The following UIMC1 variants were observed in gnomAD, a reference collection of about 807,000 sequenced individuals.
The protein encoded by UIMC1 is BRCA1-A complex subunit RAP80.
Under a neutral mutation model 84.9 loss-of-function variants are expected in UIMC1, and 42 were observed. The ratio of observed to expected loss-of-function variants is 0.49; its 90% CI spans 0.39 to 0.64. The LOEUF is 0.64. Ranked by LOEUF, UIMC1 falls within the 30% of genes least tolerant of loss-of-function variation. The probability of loss-of-function intolerance (pLI) is 0.00; values close to 1 mark genes in which losing one functional copy is unlikely to be tolerated. For missense variants in UIMC1, 825 were observed against 847.6 expected, an observed-to-expected ratio of 0.97 and a Z score of 0.33; for synonymous variants, 281 against 293.0, an observed-to-expected ratio of 0.96 and a Z score of 0.42.
intron 10 of UIMC1, among the ~76,000 whole-genome samples, chr5:176,922,838 A>C (rs1761870369): frequency 6.6e-6 from 1 of 152,272 alleles, no homozygotes; most frequent in Non-Finnish European, 1.5e-5. Flanking sequence ...ATAGACAAGT[A>C]CTAGTAAGGA....
chr5:177,013,361 AACACACACACAC>A (rs6149367), intron 1 of UIMC1, among the ~76,000 whole-genome samples: 8,347 of 137,790 alleles, frequency 0.061, 441 homozygotes, highest in East Asian at 0.27. Flanking sequence ...ACTGCATCCA[AACACACACACAC>A]ACACACACAC....
At chr5:176,908,813 A>G (rs1326966948) in intron 11 of UIMC1, 119 bp from the exon 12 acceptor site, 2 of 1,007,430 alleles carry the variant, frequency 2.0e-6, no homozygotes, top group African/African-American at 3.3e-5. Flanking sequence ...GAGGAGACAT[A>G]TCAACCAATG....
upstream of UIMC1, among the ~76,000 whole-genome samples, chr5:177,007,232 C>T (rs1775384369): frequency 6.7e-6 from 1 of 149,748 alleles, no homozygotes. Flanking sequence ...AACAGCTACT[C>T]AGGAGCCTGA....
intron 1 of UIMC1, among the ~76,000 whole-genome samples, chr5:176,992,096 C>G (rs117887032): frequency 2.0e-5 from 3 of 149,938 alleles, no homozygotes; most frequent in African/African-American, 7.3e-5. Context: ...GCACTCTAGC[C>G]TGGGCAACAG....
chr5:176,990,981 GTTTTATTTTTTA>G (rs943346846), intron 1 of UIMC1, among the ~76,000 whole-genome samples: 15 of 151,748 alleles, frequency 9.9e-5, no homozygotes, highest in Admixed American at 1.3e-4. Flanking sequence ...CAAGTCCTCA[GTTTTATTTTTTA>G]TTTTATTTTT....
At chr5:176,984,680 G>A (rs1041209204) in intron 1 of UIMC1, among the ~76,000 whole-genome samples, 1 of 149,770 alleles carries the variant, frequency 6.7e-6, no homozygotes, top group Non-Finnish European at 1.5e-5. Flanking sequence ...AAGAAAGAGA[G>A]ATCAGGTTGT....
intron 1 of UIMC1, among the ~76,000 whole-genome samples, chr5:177,019,565 G>A (rs1775743104): frequency 6.6e-6 from 1 of 150,896 alleles, no homozygotes. Context: ...TCACTTGAGT[G>A]TGGGAGTTCA....
intron 9 of UIMC1, among the ~76,000 whole-genome samples, chr5:176,943,784 A>G (rs900874494): frequency 6.6e-6 from 1 of 152,224 alleles, no homozygotes; most frequent in African/African-American, 2.4e-5. Context: ...TAAACACTCT[A>G]TATGTATTAC....
At chr5:176,976,053 C>T (rs1770005847) in intron 2 of UIMC1, among the ~76,000 whole-genome samples, 1 of 152,144 alleles carries the variant, frequency 6.6e-6, no homozygotes, top group Admixed American at 6.6e-5. Flanking sequence ...AATCCCAGCA[C>T]TTTGGGAGGC....
At chr5:177,020,706 A>G (rs940965050) in intron 1 of UIMC1, among the ~76,000 whole-genome samples, 8 of 152,202 alleles carry the variant, frequency 5.3e-5, no homozygotes, top group African/African-American at 1.7e-4. Flanking sequence ...GCTGGATTAC[A>G]GGCATGAGCC....
At chr5:176,983,724 C>T (rs1561881611) in intron 1 of UIMC1, among the ~76,000 whole-genome samples, 1 of 152,078 alleles carries the variant, frequency 6.6e-6, no homozygotes, top group African/African-American at 2.4e-5. Context: ...CCCCTCTGCC[C>T]GGCCACCCCG....
In UIMC1 at chr5:176,968,887, T is replaced by G. The variant is rs746910414; in HGVS notation, c.868A>C (p.Asn290His). Residue 290 changes from asparagine (N) to histidine (H), a missense_variant, in exon 6 of 15, where the codon AAC (asparagine) becomes CAC (histidine). By Grantham distance (68) the Asn-to-His change is moderately conservative (BLOSUM62 1). Coordinates refer to ENST00000511320, the MANE Select transcript of UIMC1 (RefSeq NM_001199298.2). ...IPFCPDGVDP[N>H]QYTKVILCQL... The stretch of plus-strand genomic sequence containing the variant: ...CAGAGAATGACCTTGGTATACTGGT[T>G]AGGGTCTACTCCATCAGGGCAGAAT... 1 of 1,614,132 alleles carries G rather than the reference T, an allele frequency of 6.2e-7. No homozygotes were observed. The highest frequency in any genetic ancestry group is 1.7e-5 in the Admixed American group (1 of 60,010).
chr5:176,975,278 A>G (rs1561860784), intron 3 of UIMC1, 118 bp downstream of exon 3: 1 of 1,002,522 alleles, frequency 1.0e-6, no homozygotes, highest in Non-Finnish European at 1.4e-6. Context: ...TGATAAATTC[A>G]CAACTTTTCT....
rs547151543 is a variant in UIMC1 at position 176,990,956 on chromosome 5, G to A, written c.-8-8333C>T. ...TAAAATGCTAGGATTAGAAGCACAA[G>A]CCATCATGACTAATCAAGTCCTCAG... On this transcript the variant is annotated intron_variant, in intron 1 of 14. Transcript: ENST00000511320. Among the ~76,000 whole-genome samples the A allele has an allele frequency of 1.6e-3, 246 of 152,034 alleles. 1 individual carries two copies. Among genetic ancestry groups the A allele is most frequent in the African/African-American group, 5.7e-3 (236 of 41,490 alleles).
chr5:176,928,034 G>C (rs1762599844), intron 10 of UIMC1, among the ~76,000 whole-genome samples: 1 of 152,004 alleles, frequency 6.6e-6, no homozygotes, highest in African/African-American at 2.4e-5. Context: ...AGTAGAGATA[G>C]GGTTTCACCA....
intron 10 of UIMC1, among the ~76,000 whole-genome samples, chr5:176,914,912 G>A (rs1309190366): frequency 2.0e-5 from 3 of 152,112 alleles, no homozygotes; most frequent in South Asian, 2.1e-4. Context: ...TCTTATGTAC[G>A]AGGACTTCAT....
intron 11 of UIMC1, among the ~76,000 whole-genome samples, chr5:176,910,965 T>C (rs1760066511): frequency 1.3e-5 from 2 of 152,028 alleles, no homozygotes; most frequent in African/African-American, 4.8e-5. Context: ...GGCGCATGCC[T>C]GTAATCCCAG....
chr5:177,020,049 A>T (rs1775755672), intron 1 of UIMC1, among the ~76,000 whole-genome samples: 1 of 152,252 alleles, frequency 6.6e-6, no homozygotes, highest in Non-Finnish European at 1.5e-5. Flanking sequence ...AGTATAAATA[A>T]GGAAATACTT....
In UIMC1 at chr5:176,931,054, C is replaced by T. The variant is rs540655319; in HGVS notation, c.1597+12281G>A. Reference sequence around the variant, plus strand: ...GGCAGAAAGAACACAGTAATGAATGCTAGCTCTGGACCTTGGCTCTGCTGC... The same window carrying T: ...GGCAGAAAGAACACAGTAATGAATGTTAGCTCTGGACCTTGGCTCTGCTGC... On this transcript the variant is annotated intron_variant, in intron 10 of 14. Coordinates refer to ENST00000511320, the MANE Select transcript of UIMC1 (RefSeq NM_001199298.2). Among the ~76,000 whole-genome samples the T allele has an allele frequency of 2.6e-5, 4 of 152,332 alleles. No homozygotes were observed. The East Asian group carries it at 7.7e-4, about 29-fold the overall frequency.
Sources: gnomAD v4.1 joint callset for allele counts (sites outside exome capture counted in the v4.1 genomes callset) on GRCh38, gnomAD v4.1.1 for gene constraint, MANE v1.5 for transcripts, NCBI Gene and HGNC (gene_info 2026-07-23, HGNC 2026-07-21) for gene names.